Variants in PCDH15 observed in about 807,000 individuals in gnomAD.
PCDH15 encodes the protein protocadherin related 15.
A neutral mutation model predicts 178.5 loss-of-function variants in PCDH15; 129 were observed. That is an observed-to-expected ratio of 0.72 (90% CI 0.63 to 0.84). The LOEUF (loss-of-function observed/expected upper bound fraction) is 0.84, where lower values mean the gene tolerates loss of function less well. Ranked by LOEUF, PCDH15 falls within the 40% of genes least tolerant of loss-of-function variation. The probability of loss-of-function intolerance (pLI) is 0.00; values close to 1 mark genes in which losing one functional copy is unlikely to be tolerated. For missense variants in PCDH15, 2,230 were observed against 2,099.9 expected (o/e 1.06, Z -1.21); for synonymous variants, 800 against 732.0 (o/e 1.09, Z -1.50).
rs761798683 is a variant in PCDH15, at chr10:53,822,470, A to T, written c.4368-2240T>A. 7 of 1,599,590 alleles carry T rather than the reference A, an allele frequency of 4.4e-6. No homozygotes were observed. The South Asian group carries it at 6.7e-5, about 15-fold the overall frequency. ...CAGGAGGAGGAGAAGGAGGAGAAAT[A>T]GGAGGAGGAGGGGGAAGGGGACAGG... On this transcript the variant is annotated intron_variant, in intron 32 of 37. Transcript: ENST00000644397.
intron 15 of PCDH15, among the ~76,000 whole-genome samples, chr10:54,106,666 C>G (rs370517175): frequency 6.6e-6 from 1 of 152,108 alleles, no homozygotes; most frequent in African/African-American, 2.4e-5. Context: ...CAATTAGGTT[C>G]GTACAATATG....
intron 3 of PCDH15, among the ~76,000 whole-genome samples, chr10:54,386,097 TA>T (rs1227884383): frequency 1.3e-4 from 15 of 117,324 alleles, no homozygotes; most frequent in African/African-American, 4.2e-4. Flanking sequence ...ATTTAGTTAT[TA>T]GTTGTGTGTG....
At chr10:54,529,586 T>C (rs551041816) in intron 2 of PCDH15, among the ~76,000 whole-genome samples, 8 of 152,274 alleles carry the variant, frequency 5.3e-5, no homozygotes, top group Non-Finnish European at 1.0e-4. Context: ...GTCCTTCAAT[T>C]ACATGAATCC....
chr10:55,530,898 T>A (rs940635219), intron 2 of PCDH15, among the ~76,000 whole-genome samples: 2 of 152,054 alleles, frequency 1.3e-5, no homozygotes, highest in African/African-American at 4.8e-5. Flanking sequence ...ATAGTTTGTG[T>A]ACAGTTATTT....
intron 7 of PCDH15, among the ~76,000 whole-genome samples, chr10:54,328,684 C>T (rs995292936): frequency 2.0e-5 from 3 of 151,918 alleles, no homozygotes; most frequent in African/African-American, 7.2e-5. Flanking sequence ...TTTTGCTACC[C>T]TTTCTGCCTG....
chr10:55,037,512 G>A (rs1287835988), intron 2 of PCDH15, among the ~76,000 whole-genome samples: 1 of 152,140 alleles, frequency 6.6e-6, no homozygotes, highest in Non-Finnish European at 1.5e-5. Flanking sequence ...GATTACAGGC[G>A]TGAGCCACCG....
intron 17 of PCDH15, among the ~76,000 whole-genome samples, chr10:54,079,080 TC>T (rs1034529934): frequency 5.3e-4 from 80 of 152,306 alleles, no homozygotes; most frequent in African/African-American, 1.9e-3. Context: ...GATTTCATTT[TC>T]CCTACAAGTT....
At chr10:55,322,807 G>A (rs565721423), upstream of PCDH15, among the ~76,000 whole-genome samples, 1 of 151,172 alleles carries the variant, frequency 6.6e-6, no homozygotes, top group Non-Finnish European at 1.5e-5. Flanking sequence ...AAAAAAATGG[G>A]GGGGGAGAAA....
intron 2 of PCDH15, among the ~76,000 whole-genome samples, chr10:54,995,014 T>A (rs934943513): frequency 2.0e-5 from 3 of 152,166 alleles, no homozygotes; most frequent in Non-Finnish European, 4.4e-5. Context: ...ACTAAACATC[T>A]AAAGATATAA....
At chr10:54,784,066 T>A (rs1337307800) in intron 1 of PCDH15, among the ~76,000 whole-genome samples, 1 of 151,744 alleles carries the variant, frequency 6.6e-6, no homozygotes, top group African/African-American at 2.4e-5. Context: ...CACCATGAGG[T>A]CCTATGGGAA....
At chr10:55,510,170 T>C (rs1003965704) in intron 2 of PCDH15, among the ~76,000 whole-genome samples, 1 of 152,116 alleles carries the variant, frequency 6.6e-6, no homozygotes, top group South Asian at 2.1e-4. Flanking sequence ...GGTTTTCTCT[T>C]ATAGTAAGTT....
intron 2 of PCDH15, among the ~76,000 whole-genome samples, chr10:54,912,406 A>C (rs910956096): frequency 6.6e-6 from 1 of 152,018 alleles, no homozygotes; most frequent in African/African-American, 2.4e-5. Context: ...ATGAGTTCTT[A>C]TACCAGCTGC....
At chr10:54,992,229 C>T (rs1269069868) in intron 2 of PCDH15, among the ~76,000 whole-genome samples, 2 of 152,088 alleles carry the variant, frequency 1.3e-5, no homozygotes, top group African/African-American at 4.8e-5. Context: ...GTTTCTCCAC[C>T]ACACTGCCAT....
intron 3 of PCDH15, among the ~76,000 whole-genome samples, chr10:54,439,134 T>C (rs1479288778): frequency 8.9e-6 from 1 of 111,914 alleles, no homozygotes; most frequent in Non-Finnish European, 2.1e-5. Context: ...AAAAATAGTT[T>C]AGAAGAGTTA....
intron 2 of PCDH15, among the ~76,000 whole-genome samples, chr10:55,553,038 A>C (rs1842029215): frequency 6.6e-6 from 1 of 151,702 alleles, no homozygotes; most frequent in Non-Finnish European, 1.5e-5. Context: ...TGACTTACAC[A>C]GAGTACACAT....
intron 2 of PCDH15, among the ~76,000 whole-genome samples, chr10:54,942,051 C>CCCCAATATA (rs574066895): frequency 2.6e-5 from 4 of 152,172 alleles, no homozygotes; most frequent in Admixed American, 6.5e-5. Context: ...TGGAATATCT[C>CCCCAATATA]CCCAATATAG....
intron 1 of PCDH15, among the ~76,000 whole-genome samples, chr10:54,797,279 C>G (rs1952131025): frequency 6.6e-6 from 1 of 152,014 alleles, no homozygotes; most frequent in Non-Finnish European, 1.5e-5. Flanking sequence ...AAGCTTTGAA[C>G]TTTTCCATTT....
chr10:54,868,864 T>C (rs967661581), intron 3 of PCDH15, among the ~76,000 whole-genome samples: 2 of 152,132 alleles, frequency 1.3e-5, no homozygotes, highest in African/African-American at 4.8e-5. Flanking sequence ...TTGGTGGACA[T>C]ATAAGATACA....
At chr10:54,601,841 G>T (rs1241142273) in intron 2 of PCDH15, among the ~76,000 whole-genome samples, 1 of 152,014 alleles carries the variant, frequency 6.6e-6, no homozygotes, top group Admixed American at 6.6e-5. Context: ...GATGGAGCAA[G>T]AGACCATTAT....
Sources: gnomAD v4.1 joint callset for allele counts (sites outside exome capture counted in the v4.1 genomes callset) on GRCh38, gnomAD v4.1.1 for gene constraint, MANE v1.5 for transcripts, NCBI Gene and HGNC (gene_info 2026-07-23, HGNC 2026-07-21) for gene names.